The following EYS variants were observed in gnomAD, a reference collection of about 807,000 sequenced individuals.
EYS encodes the protein EGF-like photoreceptor maintenance factor.
Under a neutral mutation model 282.1 loss-of-function variants are expected in EYS, and 250 were observed. The ratio of observed to expected loss-of-function variants is 0.89; its 90% CI spans 0.80 to 0.98. EYS has a LOEUF of 0.98. Among genes scored for constraint, EYS ranks in the 50% least tolerant of loss-of-function variants. EYS has a pLI of 0.00. For synonymous variants in EYS, 1,355 were observed against 1,282.9 expected (o/e 1.06, Z -1.20); for missense variants, 4,016 against 3,709.0 (o/e 1.08, Z -2.15).
Position 64,997,608 on chromosome 6 carries a change from T to A in EYS, c.2233A>T (p.Asn745Tyr). 1.3e-6 allele frequency: 2 copies of A among 1,551,286 alleles called. No homozygotes were observed. The highest frequency in any genetic ancestry group is 1.7e-6 in the Non-Finnish European group (2 of 1,146,602). The change falls in exon 14 of 43, where the codon AAT becomes TAT. Residue 745 changes from asparagine (N) to tyrosine (Y), a missense_variant. By Grantham distance (143) the Asn-to-Tyr change is moderately radical. Transcript: ENST00000503581. The part of the protein sequence containing the change: ...DDCILNACEH[N>Y]STCKDLHLSY... ...AGATGCAGGTCTTTGCAGGTAGAAT[T>A]GTGCTCACAGGCATTCAGGATGCAG...
intron 12 of EYS, among the ~76,000 whole-genome samples, chr6:65,252,095 CA>C (rs1203598080): frequency 1.3e-5 from 2 of 151,896 alleles, no homozygotes; most frequent in East Asian, 3.9e-4. Flanking sequence ...CTTCTTGCAT[CA>C]GATGGGGATG....
At chr6:64,558,343 A>G (rs1277419234) in intron 26 of EYS, among the ~76,000 whole-genome samples, 5 of 152,262 alleles carry the variant, frequency 3.3e-5, no homozygotes, top group African/African-American at 9.6e-5. Flanking sequence ...GTTCATTGGC[A>G]TAATTCTAGT....
In EYS at chr6:64,546,641, C is replaced by T. The variant is rs188614582; in HGVS notation, c.5644+43582G>A. Among the ~76,000 whole-genome samples the T allele has an allele frequency of 6.0e-3, 920 of 152,260 alleles. 11 individuals carry two copies. Among genetic ancestry groups the T allele is most frequent in the African/African-American group, 0.021 (872 of 41,542 alleles). ...TACTCATCTGACAAAGGGCTAATAT[C>T]CAGAACCTACAATGAACTCCAACAA... On this transcript the variant is annotated intron_variant, in intron 26 of 42. Coordinates refer to ENST00000503581, the MANE Select transcript of EYS (RefSeq NM_001142800.2).
chr6:65,212,373 A>G (rs938412736), intron 12 of EYS, among the ~76,000 whole-genome samples: 12 of 152,132 alleles, frequency 7.9e-5, no homozygotes, highest in Admixed American at 6.6e-4. Context: ...TTTAAGAAGA[A>G]AATAGAAGAT....
intron 12 of EYS, among the ~76,000 whole-genome samples, chr6:65,192,197 T>A (rs971301788): frequency 6.6e-6 from 1 of 151,488 alleles, no homozygotes; most frequent in African/African-American, 2.4e-5. Context: ...TTTTTTATCA[T>A]AAAAAACAAA....
intron 35 of EYS, among the ~76,000 whole-genome samples, chr6:63,912,188 T>C (rs1206007673): frequency 3.3e-5 from 5 of 152,170 alleles, no homozygotes; most frequent in African/African-American, 1.2e-4. Flanking sequence ...TTTATACCTC[T>C]ATTTCAATAT....
chr6:63,808,036 C>T (rs1011523140), intron 36 of EYS, among the ~76,000 whole-genome samples: 1 of 152,162 alleles, frequency 6.6e-6, no homozygotes, highest in Non-Finnish European at 1.5e-5. Flanking sequence ...CTAAAGGTTA[C>T]ATTTAGGCTA....
intron 15 of EYS, among the ~76,000 whole-genome samples, chr6:64,918,032 T>C (rs1768220366): frequency 6.6e-6 from 1 of 152,128 alleles, no homozygotes; most frequent in Admixed American, 6.5e-5. Context: ...TTCATTATTT[T>C]ATTGTTTTGT....
At chr6:64,235,072 ATT>A (rs1002220296) in intron 30 of EYS, among the ~76,000 whole-genome samples, 1 of 136,556 alleles carries the variant, frequency 7.3e-6, no homozygotes, top group Non-Finnish European at 1.6e-5. Context: ...TTTATTTTTT[ATT>A]TTTTTATTTT....
intron 41 of EYS, among the ~76,000 whole-genome samples, chr6:63,733,572 C>A (rs760768912): frequency 6.6e-6 from 1 of 152,006 alleles, no homozygotes; most frequent in Non-Finnish European, 1.5e-5. Flanking sequence ...AATTTGCTTA[C>A]GATAATGGCC....
At chr6:63,935,136 T>C (rs1392321776) in intron 35 of EYS, among the ~76,000 whole-genome samples, 1 of 152,206 alleles carries the variant, frequency 6.6e-6, no homozygotes, top group Non-Finnish European at 1.5e-5. Context: ...CACATGATTT[T>C]TGAGTAGTTT....
chr6:65,148,348 G>A (rs886740386), intron 12 of EYS, among the ~76,000 whole-genome samples: 7 of 152,172 alleles, frequency 4.6e-5, no homozygotes, highest in Middle Eastern at 3.4e-3. Context: ...CAAAACAAAG[G>A]GGCTACAGGC....
At chr6:65,503,404 A>G (rs1766533671) in intron 2 of EYS, among the ~76,000 whole-genome samples, 1 of 151,638 alleles carries the variant, frequency 6.6e-6, no homozygotes, top group Non-Finnish European at 1.5e-5. Context: ...TTCTCCAAGT[A>G]GTTATTTTTG....
chr6:64,837,011 A>G lies in EYS; in HGVS notation c.2993-14189T>C, dbSNP rs1304772812. Among the ~76,000 whole-genome samples, 5 of 151,790 alleles carry G rather than the reference A, an allele frequency of 3.3e-5. No individual in the cohort carries two copies. The South Asian group carries it at 1.0e-3, about 31-fold the overall frequency. On this transcript the variant is annotated intron_variant, in intron 19 of 42. Transcript: ENST00000503581. ...GGAAATTTAATGAATGGCATGGGGG[A>G]TTTCCAGAATATACTGTTACTAAAT...
At chr6:64,614,018 G>A (rs1320134484) in intron 24 of EYS, among the ~76,000 whole-genome samples, 4 of 152,102 alleles carry the variant, frequency 2.6e-5, no homozygotes, top group South Asian at 2.1e-4. Context: ...AAGCACATTC[G>A]AAGGTCACAG....
rs372467632 is a variant in EYS, at chr6:65,394,381, C to T, written c.1184+8097G>A. Among the ~76,000 whole-genome samples the T allele has an allele frequency of 2.0e-5, 3 of 152,206 alleles. No individual in the cohort carries two copies. The South Asian group carries it at 6.2e-4, about 32-fold the overall frequency. ...GAATTCAGAAACCTACATGTCAGGT[C>T]ACAATGACTTTCCCTTCTCTACTCA... On this transcript the variant is annotated intron_variant, in intron 7 of 42. Transcript: ENST00000503581.
intron 26 of EYS, among the ~76,000 whole-genome samples, chr6:64,499,617 C>T (rs1776980240): frequency 6.6e-6 from 1 of 151,936 alleles, no homozygotes; most frequent in South Asian, 2.1e-4. Flanking sequence ...TGCTCATATC[C>T]TACCTCTTAT....
chr6:63,851,487 G>A (rs1240967229), intron 36 of EYS, among the ~76,000 whole-genome samples: 1 of 152,138 alleles, frequency 6.6e-6, no homozygotes, highest in Admixed American at 6.5e-5. Flanking sequence ...AGACCACAGT[G>A]CATTTAAATT....
chr6:64,388,937 A>T (rs942945481), intron 28 of EYS, 97 bp from the exon 29 acceptor site: 13 of 818,948 alleles, frequency 1.6e-5, no homozygotes, highest in Non-Finnish European at 2.3e-5. Flanking sequence ...AATTTAAGTA[A>T]ATAGATTATT....
Sources: gnomAD v4.1 joint callset for allele counts (sites outside exome capture counted in the v4.1 genomes callset) on GRCh38, gnomAD v4.1.1 for gene constraint, MANE v1.5 for transcripts, NCBI Gene and HGNC (gene_info 2026-07-23, HGNC 2026-07-21) for gene names.